PLEKHG3: variants seen among roughly 807,000 people sequenced by gnomAD.
PLEKHG3 encodes the protein pleckstrin homology and RhoGEF domain containing G3.
In PLEKHG3, 62 loss-of-function variants were observed where a neutral mutation model predicts 94.9. That is an observed-to-expected ratio of 0.65 (90% CI 0.53 to 0.81). The LOEUF (loss-of-function observed/expected upper bound fraction) is 0.81, where lower values mean the gene tolerates loss of function less well. Ranked by LOEUF, PLEKHG3 falls within the 30% of genes least tolerant of loss-of-function variation. PLEKHG3 has a pLI of 0.00. For missense variants in PLEKHG3, 1,461 were observed against 1,619.3 expected (o/e 0.90, Z 1.68); for synonymous variants, 614 against 654.0 (o/e 0.94, Z 0.93).
At position 64,731,989 on chromosome 14, in the gene PLEKHG3, C is replaced by G. The variant is rs2081476183; in HGVS notation, c.1126-106C>G. On this transcript the variant is annotated intron_variant, in intron 9 of 16. Coordinates refer to ENST00000247226, the MANE Select transcript of PLEKHG3 (RefSeq NM_001308147.2). This position sits in a 1 kb window ranked among gnomAD's most constrained non-coding sequence, Gnocchi z 6.1. ...GAGTCAGGTTAACCTCACAGAGGCC[C>G]CAGCATGGCCCCACTTTTTCTCCCT... The G allele has an allele frequency of 7.6e-6, 7 of 925,078 alleles. No homozygotes were observed. The highest frequency in any genetic ancestry group is 5.5e-5 in the South Asian group (4 of 72,942). 57.3% of individuals were successfully genotyped at this position (925,078 alleles called of 1,614,324 possible).
intron 12 of PLEKHG3, among the ~76,000 whole-genome samples, chr14:64,733,142 T>C (rs1012138133): frequency 2.7e-5 from 4 of 149,376 alleles, no homozygotes; most frequent in African/African-American, 1.0e-4. Flanking sequence ...CTTACTTTTT[T>C]CTTTTCTTTT....
At position 64,741,220 on chromosome 14, in the gene PLEKHG3, G is replaced by C; in HGVS notation, c.1703G>C (p.Ser568Thr). The C allele has an allele frequency of 6.2e-7, 1 of 1,614,064 alleles. No individual in the cohort carries two copies. Among genetic ancestry groups the C allele is most frequent in the Non-Finnish European group, 8.5e-7 (1 of 1,179,988 alleles). ...GDMVDFVAAE[S>T]TEDLKALSSE... ...ATGGTGGACTTCGTGGCAGCTGAGA[G>C]CACTGAGGACCTTAAGGCCCTGAGC... The change falls in exon 16 of 17, where the codon AGC (serine) becomes ACC (threonine). Residue 568 changes from serine (S) to threonine (T), a missense_variant. Physicochemically the swap from Ser to Thr is moderately conservative, Grantham distance 58 (BLOSUM62 1). This residue lies in a region of PLEKHG3 where 1,201 missense variants were observed against 1,295.5 expected (regional missense o/e 0.93). Transcript: ENST00000247226.
Position 64,741,043 on chromosome 14 carries a change from C to T in PLEKHG3, c.1526C>T (p.Pro509Leu), listed in dbSNP as rs370817927. 5.4e-5 allele frequency: 86 copies of T among 1,582,686 alleles called. No homozygotes were observed. Among genetic ancestry groups the T allele is most frequent in the East Asian group, 3.2e-4 (14 of 44,408 alleles). ...ESISSLPEVE[P>L]DPEAGSEQEV... ...TTTTCTGCTATGTTTCAGGTTGAGC[C>T]GGACCCTGAGGCTGGGAGTGAGCAA... Residue 509 changes from proline to leucine, a missense_variant, in exon 16 of 17, where the codon CCG becomes CTG. By Grantham distance (98) the Pro-to-Leu change is moderately conservative. Around this residue, in one of 3 missense-constraint regions of PLEKHG3, gnomAD observed 1,201 missense variants for 1,295.5 expected, o/e 0.93. Coordinates refer to ENST00000247226, the MANE Select transcript of PLEKHG3 (RefSeq NM_001308147.2).
chr14:64,729,904 C>T (rs2081426828), intron 3 of PLEKHG3, among the ~76,000 whole-genome samples: 1 of 152,222 alleles, frequency 6.6e-6, no homozygotes, highest in Non-Finnish European at 1.5e-5. Flanking sequence ...TCCCCATTCT[C>T]TCTCCTTCAC....
Position 64,737,370 on chromosome 14 carries a change from A to T in PLEKHG3, c.1399A>T (p.Met467Leu), listed in dbSNP as rs1320970671. The change falls in exon 14 of 17, where the codon ATG becomes TTG. Residue 467 changes from methionine (M) to leucine (L), a missense_variant. Coordinates refer to ENST00000247226, the MANE Select transcript of PLEKHG3 (RefSeq NM_001308147.2). ...GATGTCTGCAGCCCGAGCAGCAGGA[A>T]TGAAGGTAAAGGCCAGTGGGAGGAG... ...QLNEKARAAGMKGKGRRESES... is the reference protein window; with the variant it reads ...QLNEKARAAGLKGKGRRESES... The T allele has an allele frequency of 6.3e-7, 1 of 1,599,308 alleles. No homozygotes were observed. The highest frequency in any genetic ancestry group is 2.2e-5 in the East Asian group (1 of 44,718).
At chr14:64,705,205 G>C (rs2080952098) in intron 1 of PLEKHG3, among the ~76,000 whole-genome samples, 1 of 152,244 alleles carries the variant, frequency 6.6e-6, no homozygotes, top group Admixed American at 6.5e-5. Context: ...GCAGGGAGGA[G>C]AGTGGGGGCC....
chr14:64,743,128 C>T lies in PLEKHG3; in HGVS notation c.3085C>T (p.Pro1029Ser). The T allele has an allele frequency of 6.2e-7, 1 of 1,612,178 alleles. No individual in the cohort carries two copies. Among genetic ancestry groups the T allele is most frequent in the Middle Eastern group, 1.6e-4 (1 of 6,062 alleles). Residue 1029 changes from proline to serine, a missense_variant, in exon 17 of 17, where the codon CCT becomes TCT. By Grantham distance (74) the Pro-to-Ser change is moderately conservative. This residue lies in a region of PLEKHG3 where 1,201 missense variants were observed against 1,295.5 expected (regional missense o/e 0.93). Transcript: ENST00000247226. This position sits in a 1 kb window ranked among gnomAD's most constrained non-coding sequence, Gnocchi z 7.2. ...TGCTGTCAGCCAGAGGACCACCTCG[C>T]CTGGGGGCCGGCCCTCCGCCCGGAG... ...PSAVSQRTTS[P>S]GGRPSARSPL...
At position 64,731,170 on chromosome 14, in the gene PLEKHG3, G is replaced by T; in HGVS notation, c.849+1G>T. On this transcript the variant is annotated splice_donor_variant, in intron 7 of 16. Transcript: ENST00000247226. LOFTEE classifies it high-confidence loss of function. This position sits in a 1 kb window ranked among gnomAD's most constrained non-coding sequence, Gnocchi z 6.1. ...GCATGAGCACGCGGTCCGGCTCCAG[G>T]TGCTCTGGGGCTGGGACGCTGGGGG... 1 of 1,608,540 alleles carries T rather than the reference G, an allele frequency of 6.2e-7. No homozygotes were observed. Among genetic ancestry groups the T allele is most frequent in the Non-Finnish European group, 8.5e-7 (1 of 1,175,542 alleles).
rs758201963 is a variant in PLEKHG3 at position 64,717,559 on chromosome 14, T to A, written c.-39-10034T>A. Reference sequence around the variant, plus strand: ...TGAGAGATTTCTTCCATTTAAGAACTGGCATCTCAGTTTTCTAGGGTAGGT... The same window carrying A: ...TGAGAGATTTCTTCCATTTAAGAACAGGCATCTCAGTTTTCTAGGGTAGGT... On this transcript the variant is annotated intron_variant, in intron 1 of 16. Coordinates refer to ENST00000247226, the MANE Select transcript of PLEKHG3 (RefSeq NM_001308147.2). The surrounding 1 kb of genome is among the most constrained non-coding windows in gnomAD (Gnocchi z 4.7). 6.6e-6 allele frequency among the ~76,000 whole-genome samples: 1 copy of A among 152,208 alleles called. No individual in the cohort carries two copies. The highest frequency in any genetic ancestry group is 2.4e-5 in the African/African-American group (1 of 41,454).
rs972013223 is a variant in PLEKHG3, at chr14:64,740,978, C to T, written c.1519-58C>T. 11 of 1,403,802 alleles carry T rather than the reference C, an allele frequency of 7.8e-6. No homozygotes were observed. In the African/African-American group the frequency reaches 1.6e-4, roughly 20 times the overall value. 87.0% of individuals were successfully genotyped at this position (1,403,802 alleles called of 1,614,324 possible). Reference sequence around the variant, plus strand: ...GAGCAGGCCATGCTGTCCCCTTGTTCCCCGGATCCCATGAAGGAGGCTTTT... The same window carrying T: ...GAGCAGGCCATGCTGTCCCCTTGTTTCCCGGATCCCATGAAGGAGGCTTTT... On this transcript the variant is annotated intron_variant, in intron 15 of 16. Transcript: ENST00000247226.
chr14:64,749,555 T>G lies in PLEKHG3; in HGVS notation c.*5852T>G. 6.2e-7 allele frequency: 1 copy of G among 1,603,368 alleles called. No homozygotes were observed. Among genetic ancestry groups the G allele is most frequent in the Non-Finnish European group, 8.5e-7 (1 of 1,178,518 alleles). ...GCCAGGCAACAATGGTGGGGGCTCT[T>G]GGGACTGCCCCTTCTGAGGGGGCCT... On this transcript the variant is annotated 3_prime_UTR_variant, in exon 17 of 17. Transcript: ENST00000247226. The surrounding 1 kb of genome is among the most constrained non-coding windows in gnomAD (Gnocchi z 4.7).
rs552272937 is a variant in PLEKHG3, at chr14:64,716,032, C to T, written c.-40+11328C>T. The T allele has an allele frequency of 3.1e-5, 14 of 456,220 alleles. No homozygotes were observed. The highest frequency in any genetic ancestry group is 7.0e-5 in the East Asian group (1 of 14,386). 28.3% of individuals were successfully genotyped at this position (456,220 alleles called of 1,614,324 possible). Reference sequence around the variant, plus strand: ...TAGGTTGCCGGTGCTGGGGACAATGCGGCTGCCCGGCCCCTCGCCACCCTC... The same window carrying T: ...TAGGTTGCCGGTGCTGGGGACAATGTGGCTGCCCGGCCCCTCGCCACCCTC... On this transcript the variant is annotated intron_variant, in intron 1 of 16. Transcript: ENST00000247226. This position sits in a 1 kb window ranked among gnomAD's most constrained non-coding sequence, Gnocchi z 5.0.
At position 64,741,299 on chromosome 14, in the gene PLEKHG3, G is replaced by A; in HGVS notation, c.1782G>A (p.Leu594=). ...GGAAQEPESL[L]PPSVLDQASV... ...CCGCCCAGGAGCCTGAGAGCCTTCT[G>A]CCACCCTCTGTGCTGGACCAGGCCA... Residue 594 remains leucine, a synonymous_variant, in exon 16 of 17, where the codon CTG becomes CTA. Transcript: ENST00000247226. 6.2e-7 allele frequency: 1 copy of A among 1,613,788 alleles called. No homozygotes were observed. Among genetic ancestry groups the A allele is most frequent in the East Asian group, 2.2e-5 (1 of 44,882 alleles).
intron 1 of PLEKHG3, among the ~76,000 whole-genome samples, chr14:64,713,257 C>A (rs2081087978): frequency 6.6e-6 from 1 of 152,080 alleles, no homozygotes; most frequent in African/African-American, 2.4e-5. Flanking sequence ...TTGTAGGTTT[C>A]TTTTTTCTGA....
chr14:64,730,921 G>A lies in PLEKHG3; in HGVS notation c.689G>A (p.Arg230His), dbSNP rs1178777831. Residue 230 changes from arginine to histidine, a missense_variant, in exon 6 of 17, where the codon CGC becomes CAC. Coordinates refer to ENST00000247226, the MANE Select transcript of PLEKHG3 (RefSeq NM_001308147.2). This position sits in a 1 kb window ranked among gnomAD's most constrained non-coding sequence, Gnocchi z 5.4. ...LGSYLLKPVQ[R>H]ILKYHLLLQE... Reference sequence around the variant, plus strand: ...TCCTACCTGCTGAAGCCAGTCCAGCGCATCCTCAAGTACCACCTGCTGCTC... The same window carrying A: ...TCCTACCTGCTGAAGCCAGTCCAGCACATCCTCAAGTACCACCTGCTGCTC... The A allele has an allele frequency of 2.5e-6, 4 of 1,612,880 alleles. No homozygotes were observed. Among genetic ancestry groups the A allele is most frequent in the East Asian group, 4.5e-5 (2 of 44,872 alleles).
Position 64,732,718 on chromosome 14 carries a change from A to G in PLEKHG3, c.1247-85A>G. 9.8e-7 allele frequency: 1 copy of G among 1,025,496 alleles called. No homozygotes were observed. The highest frequency in any genetic ancestry group is 1.5e-6 in the Non-Finnish European group (1 of 679,820). 63.5% of individuals were successfully genotyped at this position (1,025,496 alleles called of 1,614,324 possible). A position where few individuals can be genotyped will look rare whatever the true frequency, so the allele number is the denominator to read the frequency against. On this transcript the variant is annotated intron_variant, in intron 11 of 16. Coordinates refer to ENST00000247226, the MANE Select transcript of PLEKHG3 (RefSeq NM_001308147.2). The surrounding 1 kb of genome is among the most constrained non-coding windows in gnomAD (Gnocchi z 4.9). Reference sequence around the variant, plus strand: ...TGGCCCTGGAGCTGGGTGGGTATAGAGGTCTGGCTGGTTATGGACAGGGTC... The same window carrying G: ...TGGCCCTGGAGCTGGGTGGGTATAGGGGTCTGGCTGGTTATGGACAGGGTC...
chr14:64,727,542 G>T lies in PLEKHG3; in HGVS notation c.-39-51G>T. The T allele has an allele frequency of 1.8e-5, 8 of 442,892 alleles. No individual in the cohort carries two copies. Among genetic ancestry groups the T allele is most frequent in the South Asian group, 3.9e-5 (2 of 50,732 alleles). The allele number at this position is 442,892 out of a possible 1,614,324, so 27.4% of individuals were successfully genotyped here. A position where few individuals can be genotyped will look rare whatever the true frequency, so the allele number is the denominator to read the frequency against. On this transcript the variant is annotated intron_variant, in intron 1 of 16. Coordinates refer to ENST00000247226, the MANE Select transcript of PLEKHG3 (RefSeq NM_001308147.2). This position sits in a 1 kb window ranked among gnomAD's most constrained non-coding sequence, Gnocchi z 6.0. The stretch of plus-strand genomic sequence containing the variant: ...CCCCTGGCAACCGTCCCTCTGTTCT[G>T]TTTCTGTGGGCATTCAGAGGTTGAC...
rs770071562 is a variant in PLEKHG3 at position 64,742,474 on chromosome 14, G to C, written c.2938+19G>C. 2.0e-5 allele frequency: 31 copies of C among 1,556,792 alleles called. 1 individual carries two copies. In the South Asian group the frequency reaches 3.4e-4, roughly 17 times the overall value. On this transcript the variant is annotated intron_variant, in intron 16 of 16. Coordinates refer to ENST00000247226, the MANE Select transcript of PLEKHG3 (RefSeq NM_001308147.2). Reference sequence around the variant, plus strand: ...GGCAAAGGTATGACAGAAGCGGCAAGTGGGCCCTTCCCCAAGTCTAGGGAC... The same window carrying C: ...GGCAAAGGTATGACAGAAGCGGCAACTGGGCCCTTCCCCAAGTCTAGGGAC...
chr14:64,731,108 C>T lies in PLEKHG3; in HGVS notation c.788C>T (p.Thr263Ile). 1.9e-6 allele frequency: 3 copies of T among 1,612,650 alleles called. No individual in the cohort carries two copies. Among genetic ancestry groups the T allele is most frequent in the Non-Finnish European group, 1.7e-6 (2 of 1,178,718 alleles). Residue 263 changes from threonine to isoleucine, a missense_variant, in exon 7 of 17, where the codon ACC becomes ATC. Transcript: ENST00000247226. This position sits in a 1 kb window ranked among gnomAD's most constrained non-coding sequence, Gnocchi z 6.1. ...EVVEDAIDTM[T>I]CVAWYINDMK... ...GTGGAGGATGCCATTGACACCATGA[C>T]CTGTGTGGCCTGGTACATCAACGAC... is the stretch of plus-strand genomic sequence containing the variant.
Sources: gnomAD v4.1 joint callset for allele counts (sites outside exome capture counted in the v4.1 genomes callset) on GRCh38, gnomAD v4.1.1 for gene constraint, gnomAD v4.1.1 regional missense constraint, Gnocchi (gnomAD v3.1) non-coding constraint, MANE v1.5 for transcripts, NCBI Gene and HGNC (gene_info 2026-07-23, HGNC 2026-07-21) for gene names.